B9D1: variants seen among roughly 807,000 people sequenced by gnomAD.
B9D1 encodes the protein B9 domain-containing protein 1.
B9D1 carries 20 observed loss-of-function variants against 26.1 expected under a neutral mutation model. The observed-to-expected ratio is 0.77, with a 90% CI of 0.54 to 1.12. The LOEUF (loss-of-function observed/expected upper bound fraction) is 1.12. B9D1 is among the 50% of genes most tolerant of loss of function. The probability of loss-of-function intolerance (pLI) is 0.00; values close to 1 mark genes in which losing one functional copy is unlikely to be tolerated. For missense variants in B9D1, 260 were observed against 273.7 expected (o/e 0.95, Z 0.35); for synonymous variants, 105 against 103.1 (o/e 1.02, Z -0.11).
At chr17:19,349,339 T>G (rs1189667671) in intron 3 of B9D1, among the ~76,000 whole-genome samples, 3 of 152,100 alleles carry the variant, frequency 2.0e-5, no homozygotes, top group Non-Finnish European at 4.4e-5. Flanking sequence ...TACTCAAGTC[T>G]CTTGCCCGGT....
intron 1 of B9D1, among the ~76,000 whole-genome samples, chr17:19,374,266 G>A (rs1443271471): frequency 1.3e-5 from 2 of 152,264 alleles, no homozygotes; most frequent in African/African-American, 2.4e-5. Flanking sequence ...GTGAATTAGA[G>A]AGCACATGTT....
In B9D1 at chr17:19,347,014, T is replaced by G. The variant is rs758152161; in HGVS notation, c.404+255A>C. 6.5e-7 allele frequency: 1 copy of G among 1,541,546 alleles called. No homozygotes were observed. Among genetic ancestry groups the G allele is most frequent in the Non-Finnish European group, 8.7e-7 (1 of 1,144,132 alleles). ...GAGCATTTTTCCCATCTGACAAGAG[T>G]TTTTCCTCTGCTCCCTCAGACACAA... On this transcript the variant is annotated intron_variant, in intron 5 of 6. Transcript: ENST00000261499. This position sits in a 1 kb window ranked among gnomAD's most constrained non-coding sequence, Gnocchi z 4.3.
chr17:19,367,009 G>A (rs562203874), upstream of B9D1, among the ~76,000 whole-genome samples: 35 of 152,298 alleles, frequency 2.3e-4, no homozygotes, highest in South Asian at 7.0e-3. Context: ...CCATGTCTAG[G>A]GCGGTCACGA....
intron 3 of B9D1, among the ~76,000 whole-genome samples, chr17:19,356,376 G>C (rs946925508): frequency 6.6e-6 from 1 of 152,222 alleles, no homozygotes; most frequent in Non-Finnish European, 1.5e-5. Context: ...ACAGGCATGA[G>C]CCACCATGCC....
At chr17:19,375,653 A>T (rs1380267652) in intron 1 of B9D1, among the ~76,000 whole-genome samples, 2 of 152,136 alleles carry the variant, frequency 1.3e-5, no homozygotes, top group Non-Finnish European at 2.9e-5. Flanking sequence ...GAGGGAGAAG[A>T]ATTGCTTGAA....
At chr17:19,335,477 G>A, downstream of B9D1, 4 of 1,549,436 alleles carry the variant, frequency 2.6e-6, no homozygotes, top group Non-Finnish European at 3.5e-6. Context: ...AACCTTGTGT[G>A]TCTGTGATCT....
rs1026764584 is a variant in B9D1 at position 19,355,472 on chromosome 17, T to C, written c.244+2368A>G. On this transcript the variant is annotated intron_variant, in intron 3 of 6. Transcript: ENST00000261499. The stretch of plus-strand genomic sequence containing the variant: ...TGAATCCAGGAGGTAGAGGTTGCAA[T>C]GAGCTGAAATGGCGCCACTTTACTC... Among the ~76,000 whole-genome samples the C allele has an allele frequency of 3.4e-5, 5 of 147,646 alleles. No homozygotes were observed. In the East Asian group the frequency reaches 6.0e-4, roughly 18 times the overall value.
At chr17:19,350,823 G>A (rs891469230) in intron 3 of B9D1, among the ~76,000 whole-genome samples, 7 of 151,898 alleles carry the variant, frequency 4.6e-5, no homozygotes, top group African/African-American at 7.3e-5. Context: ...TCATTTATGG[G>A]GATGATCATG....
Position 19,376,624 on chromosome 17 carries a change from CAAAAAAAAAAAAAA to C in B9D1, c.-298+1221_-298+1234del, listed in dbSNP as rs56972267. On this transcript the variant is annotated intron_variant, in intron 1 of 5. Transcript: ENST00000477478. ...GTGAAACCCCATCTCTACTAAAATA[CAAAAAAAAAAAAAA>C]AAAAAAAAAAAAAGCCGGGCTTGAT... Among the ~76,000 whole-genome samples the C allele has an allele frequency of 4.2e-3, 206 of 48,980 alleles. 2 individuals carry two copies. The highest frequency in any genetic ancestry group is 0.014 in the African/African-American group (198 of 14,192). The allele number at this position is 48,980 out of a possible 152,430, so 32.1% of individuals were successfully genotyped here. A position where few individuals can be genotyped will look rare whatever the true frequency, so the allele number is the denominator to read the frequency against.
rs1655725170 is a variant in B9D1 at position 19,347,057 on chromosome 17, C to G, written c.404+212G>C. On this transcript the variant is annotated intron_variant, in intron 5 of 6. Transcript: ENST00000261499. This position sits in a 1 kb window ranked among gnomAD's most constrained non-coding sequence, Gnocchi z 4.3. ...AGACACAAAGATTTTTCACAGGGCA[C>G]AGGGTAAAATCGCCCGGCCTTCTGC... The G allele has an allele frequency of 6.5e-7, 1 of 1,549,964 alleles. No homozygotes were observed. The highest frequency in any genetic ancestry group is 1.4e-5 in the African/African-American group (1 of 73,098).
chr17:19,358,124 G>A (rs759079994), intron 2 of B9D1, among the ~76,000 whole-genome samples, 173 bp from the exon 3 acceptor site: 6 of 152,054 alleles, frequency 3.9e-5, no homozygotes, highest in Non-Finnish European at 5.9e-5. Flanking sequence ...CTTTAAGTCT[G>A]GTACTTTAAC....
At chr17:19,376,884 G>A (rs1401290154) in intron 1 of B9D1, among the ~76,000 whole-genome samples, 2 of 152,026 alleles carry the variant, frequency 1.3e-5, no homozygotes, top group Non-Finnish European at 2.9e-5. Context: ...TCATAACCCA[G>A]ATATTCCTTT....
Position 19,360,338 on chromosome 17 carries a change from C to G in B9D1, c.114G>C (p.Gln38His). Residue 38 changes from glutamine to histidine, a missense_variant, in exon 2 of 7, where the codon CAG (glutamine) becomes CAC (histidine). Physicochemically the swap from Gln to His is conservative, Grantham distance 24 (BLOSUM62 0). Coordinates refer to ENST00000261499, the MANE Select transcript of B9D1 (RefSeq NM_015681.6). The stretch of plus-strand genomic sequence containing the variant: ...AGCTTACCGCTGTGGGGGCCCAGTC[C>G]TGGCCGTACACAAAGCAGTACTTGC... ...LYCKYCFVYG[Q>H]DWAPTAGLEE... 1 of 1,614,006 alleles carries G rather than the reference C, an allele frequency of 6.2e-7. No individual in the cohort carries two copies. Among genetic ancestry groups the G allele is most frequent in the Non-Finnish European group, 8.5e-7 (1 of 1,180,032 alleles).
intron 6 of B9D1, 75 bp from the exon 7 acceptor site, chr17:19,343,536 C>T (rs1908251016): frequency 3.1e-6 from 5 of 1,603,582 alleles, no homozygotes; most frequent in Admixed American, 1.7e-5. Context: ...GGAATCTCAG[C>T]CTCAGCGTTC....
intron 3 of B9D1, among the ~76,000 whole-genome samples, chr17:19,355,150 T>C (rs1469167053): frequency 6.6e-6 from 1 of 152,216 alleles, no homozygotes; most frequent in African/African-American, 2.4e-5. Context: ...TTTCAGTATA[T>C]AGTTATCTCT....
upstream of B9D1, among the ~76,000 whole-genome samples, chr17:19,363,258 TA>T (rs1476174792): frequency 6.6e-6 from 1 of 152,192 alleles, no homozygotes; most frequent in Non-Finnish European, 1.5e-5. Flanking sequence ...CAAGAATCCT[TA>T]CATCCAAGCC....
chr17:19,367,550 G>A (rs955897363), upstream of B9D1, among the ~76,000 whole-genome samples: 1 of 152,266 alleles, frequency 6.6e-6, no homozygotes, highest in Non-Finnish European at 1.5e-5. Flanking sequence ...GACCTCAAGT[G>A]ATCCACCTGC....
rs1007403039 is a variant in B9D1 at position 19,377,022 on chromosome 17, A to C, written c.-298+837T>G. Among the ~76,000 whole-genome samples, 8 of 152,286 alleles carry C rather than the reference A, an allele frequency of 5.3e-5. No homozygotes were observed. In the South Asian group the frequency reaches 1.4e-3, roughly 28 times the overall value. On this transcript the variant is annotated intron_variant, in intron 1 of 5. Transcript: ENST00000477478. ...TAGACATTGAACAGACATTTCCCCA[A>C]AGGAGACAAATGGCCAATAAGCACA...
In B9D1 at chr17:19,372,676, G is replaced by A. The variant is rs1405619034; in HGVS notation, c.-298+5183C>T. Among the ~76,000 whole-genome samples the A allele has an allele frequency of 6.6e-6, 1 of 152,092 alleles. No homozygotes were observed. Among genetic ancestry groups the A allele is most frequent in the Admixed American group, 6.5e-5 (1 of 15,280 alleles). On this transcript the variant is annotated intron_variant, in intron 1 of 5. Transcript: ENST00000477478. The surrounding 1 kb of genome is among the most constrained non-coding windows in gnomAD (Gnocchi z 4.4). ...AGCTGGGACTTGTGCTCATGGCTCT[G>A]ACCCCAGCACACAGCACAGACAAGA...
Sources: allele counts gnomAD v4.1 joint callset (sites outside exome capture counted in the v4.1 genomes callset), GRCh38; gene constraint gnomAD v4.1.1; non-coding constraint Gnocchi (gnomAD v3.1); transcripts MANE v1.5; gene names NCBI Gene and HGNC (gene_info 2026-07-23, HGNC 2026-07-21).